ALK: variants seen among roughly 807,000 people sequenced by gnomAD.
ALK encodes the protein ALK tyrosine kinase receptor.
A neutral mutation model predicts 163.1 loss-of-function variants in ALK; 74 were observed. The ratio of observed to expected loss-of-function variants is 0.45; its 90% CI spans 0.38 to 0.55. ALK has a LOEUF of 0.55. Among genes scored for constraint, ALK ranks in the 20% least tolerant of loss-of-function variants. ALK has a pLI of 0.00. For synonymous variants in ALK, 960 were observed against 843.2 expected (o/e 1.14, Z -2.40); for missense variants, 2,063 against 2,105.3 (o/e 0.98, Z 0.39).
intron 1 of ALK, among the ~76,000 whole-genome samples, chr2:29,916,926 T>G (rs1287502560): frequency 6.6e-6 from 1 of 152,140 alleles, no homozygotes. Flanking sequence ...CTTCACCTCT[T>G]CTCCATGAAT....
intron 3 of ALK, among the ~76,000 whole-genome samples, chr2:29,611,743 G>A (rs1451464095): frequency 6.6e-6 from 1 of 152,212 alleles, no homozygotes; most frequent in African/African-American, 2.4e-5. Flanking sequence ...GTTGTTTGAA[G>A]GTGTGTGGCA....
chr2:29,598,583 G>T (rs1469005811), intron 3 of ALK, among the ~76,000 whole-genome samples: 1 of 152,132 alleles, frequency 6.6e-6, no homozygotes, highest in Admixed American at 6.5e-5. Context: ...AGGGCATCAG[G>T]CTCTGGTTTT....
At chr2:29,734,651 C>A (rs974614386) in intron 1 of ALK, among the ~76,000 whole-genome samples, 20 of 151,956 alleles carry the variant, frequency 1.3e-4, no homozygotes, top group Non-Finnish European at 1.0e-4. Flanking sequence ...CTCTCTCTTT[C>A]TGAAACACAC....
At chr2:29,704,851 G>A (rs1012985179) in intron 2 of ALK, among the ~76,000 whole-genome samples, 2 of 152,106 alleles carry the variant, frequency 1.3e-5, no homozygotes, top group Admixed American at 1.3e-4. Context: ...AGGCGCATCA[G>A]CCTTGTGCTT....
At chr2:29,238,590 G>A (rs1299714208) in intron 13 of ALK, among the ~76,000 whole-genome samples, 2 of 152,186 alleles carry the variant, frequency 1.3e-5, no homozygotes, top group Non-Finnish European at 2.9e-5. Context: ...GATGGAGGTA[G>A]TGCCTGACAA....
At chr2:29,199,478 G>A (rs1176830510) in intron 26 of ALK, among the ~76,000 whole-genome samples, 1 of 152,048 alleles carries the variant, frequency 6.6e-6, no homozygotes, top group Non-Finnish European at 1.5e-5. Flanking sequence ...TGTGAGGTAA[G>A]GACCTAAATT....
chr2:29,537,981 G>C (rs76292703), intron 3 of ALK, among the ~76,000 whole-genome samples: 2,354 of 152,290 alleles, frequency 0.015, 63 homozygotes, highest in African/African-American at 0.054. Flanking sequence ...TCTCCACTTT[G>C]GAACAAGAAT....
rs2148211234 is a variant in ALK, at chr2:29,269,588, A to T, written c.2041+5511T>A. ...ACGTGCTGCGATGACTGGGGTCCCA[A>T]GAGCCTTGTTAAGGCTGGTACTTCC... On this transcript the variant is annotated intron_variant, in intron 11 of 28. Transcript: ENST00000389048. 1.3e-5 allele frequency among the ~76,000 whole-genome samples: 2 copies of T among 152,352 alleles called. 1 individual carries two copies. The highest frequency in any genetic ancestry group is 4.1e-4 in the South Asian group (2 of 4,826).
Position 29,510,901 on chromosome 2 carries a change from G to A in ALK, c.1154+21014C>T, listed in dbSNP as rs148079220. Among the ~76,000 whole-genome samples the A allele has an allele frequency of 5.1e-3, 775 of 152,254 alleles. 10 individuals are homozygous for A. The highest frequency in any genetic ancestry group is 0.017 in the African/African-American group (693 of 41,546). ...GGAATACCACTCATGTTCTCTAGCT[G>A]TGTCTGCACTGTGCAAGGCAGACTG... On this transcript the variant is annotated intron_variant, in intron 4 of 28. Transcript: ENST00000389048.
Position 29,672,467 on chromosome 2 carries a change from A to C in ALK, c.952+22383T>G, listed in dbSNP as rs556950328. Among the ~76,000 whole-genome samples, 3 of 150,130 alleles carry C rather than the reference A, an allele frequency of 2.0e-5. No individual in the cohort carries two copies. In the South Asian group the frequency reaches 6.4e-4, roughly 32 times the overall value. On this transcript the variant is annotated intron_variant, in intron 3 of 28. Transcript: ENST00000389048. The stretch of plus-strand genomic sequence containing the variant: ...TTGCGATAGTTTACTGAGAATGATG[A>C]TTTCCAATTTCATCCATGTCCCTAC...
intron 3 of ALK, among the ~76,000 whole-genome samples, chr2:29,639,404 C>G (rs1307323966): frequency 6.6e-6 from 1 of 152,146 alleles, no homozygotes; most frequent in Non-Finnish European, 1.5e-5. Flanking sequence ...AGATAGGAAC[C>G]CTCTGCAAGT....
chr2:29,325,909 T>C (rs1241677176), intron 6 of ALK, among the ~76,000 whole-genome samples: 1 of 152,192 alleles, frequency 6.6e-6, no homozygotes, highest in South Asian at 2.1e-4. Context: ...GGGAATGGTT[T>C]TCAGAGTCAA....
chr2:29,910,534 A>C (rs1478741785), intron 1 of ALK, among the ~76,000 whole-genome samples: 2 of 152,198 alleles, frequency 1.3e-5, no homozygotes, highest in African/African-American at 2.4e-5. Context: ...AGCAAATTAC[A>C]TAAGGGCACA....
chr2:29,752,637 C>A (rs914308327), intron 1 of ALK, among the ~76,000 whole-genome samples: 2 of 152,018 alleles, frequency 1.3e-5, no homozygotes, highest in Admixed American at 1.3e-4. Context: ...CGTGAGCCAC[C>A]GCGCCCGGCC....
chr2:29,888,252 T>TGC (rs201215086), intron 1 of ALK, among the ~76,000 whole-genome samples: 1 of 145,500 alleles, frequency 6.9e-6, no homozygotes, highest in East Asian at 2.0e-4. Flanking sequence ...AATTGTTTTT[T>TGC]TTTTTTTTTA....
intron 7 of ALK, 104 bp downstream of exon 7, chr2:29,320,647 C>T (rs753252233): frequency 4.4e-5 from 68 of 1,539,146 alleles, no homozygotes; most frequent in Non-Finnish European, 5.8e-5. Flanking sequence ...GGTCAGACAC[C>T]CGAGCTTGCC....
chr2:29,206,586 C>T (rs527702651), intron 26 of ALK, among the ~76,000 whole-genome samples: 1 of 152,076 alleles, frequency 6.6e-6, no homozygotes, highest in Non-Finnish European at 1.5e-5. Flanking sequence ...CCCCTACTTT[C>T]AATTTCTGGA....
intron 3 of ALK, among the ~76,000 whole-genome samples, chr2:29,672,107 G>GT (rs1486636345): frequency 6.7e-6 from 1 of 148,572 alleles, no homozygotes; most frequent in Non-Finnish European, 1.5e-5. Flanking sequence ...ATTTAGGGAG[G>GT]TTTTTTCATA....
At chr2:29,733,091 T>C (rs1174634211) in intron 1 of ALK, among the ~76,000 whole-genome samples, 1 of 152,078 alleles carries the variant, frequency 6.6e-6, no homozygotes, top group Non-Finnish European at 1.5e-5. Context: ...AAATCCACTC[T>C]GAGCAAATAG....
Sources: gnomAD v4.1 joint callset for allele counts (sites outside exome capture counted in the v4.1 genomes callset) on GRCh38, gnomAD v4.1.1 for gene constraint, MANE v1.5 for transcripts, NCBI Gene and HGNC (gene_info 2026-07-23, HGNC 2026-07-21) for gene names.